Variants in SNAP25 observed in about 807,000 individuals in gnomAD.
SNAP25 encodes synaptosomal-associated protein 25.
A neutral mutation model predicts 28.7 loss-of-function variants in SNAP25; 3 were observed. That is an observed-to-expected ratio of 0.10 (90% confidence interval 0.05 to 0.27). The LOEUF is 0.27. Among genes scored for constraint, SNAP25 ranks in the 10% least tolerant of loss-of-function variants. The probability of loss-of-function intolerance (pLI) is 1.00; values close to 1 mark genes in which losing one functional copy is unlikely to be tolerated. For synonymous variants in SNAP25, 61 were observed against 88.1 expected, an observed-to-expected ratio of 0.69 and a Z score of 1.72; for missense variants, 117 against 278.7, an observed-to-expected ratio of 0.42 and a Z score of 4.13.
chr20:10,277,659 ATGTT>A (rs778297148), intron 2 of SNAP25, 22 bp from the exon 3 acceptor site: 2 of 1,607,856 alleles, frequency 1.2e-6, no homozygotes, highest in Admixed American at 1.7e-5. Flanking sequence ...CATAAAGTTT[ATGTT>A]TGTTTGTTTT....
At chr20:10,267,116 T>C (rs1268422148) in intron 1 of SNAP25, among the ~76,000 whole-genome samples, 2 of 152,160 alleles carry the variant, frequency 1.3e-5, no homozygotes, top group Non-Finnish European at 2.9e-5. Flanking sequence ...TATTTAAATC[T>C]TAACATCACA....
At chr20:10,249,297 TTGG>T (rs927435080) in intron 1 of SNAP25, among the ~76,000 whole-genome samples, 3 of 152,166 alleles carry the variant, frequency 2.0e-5, no homozygotes, top group Non-Finnish European at 4.4e-5. Context: ...TCGGTGATGG[TTGG>T]TGGTAGGATT....
intron 1 of SNAP25, among the ~76,000 whole-genome samples, chr20:10,242,881 A>T (rs1818893798): frequency 1.3e-5 from 2 of 152,370 alleles, no homozygotes; most frequent in South Asian, 4.1e-4. Flanking sequence ...TCAGTACATT[A>T]GAATCTTCTA....
chr20:10,285,522 A>T (rs1017752460), intron 4 of SNAP25, among the ~76,000 whole-genome samples: 3 of 152,232 alleles, frequency 2.0e-5, no homozygotes, highest in Non-Finnish European at 4.4e-5. Context: ...TTATCATAAT[A>T]AACAGATTTC....
At chr20:10,238,635 C>T (rs151309486) in intron 1 of SNAP25, among the ~76,000 whole-genome samples, 128 of 152,170 alleles carry the variant, frequency 8.4e-4, no homozygotes, top group African/African-American at 2.7e-3. Context: ...ATAGGTTGGG[C>T]GTGGTGGCTC....
intron 1 of SNAP25, among the ~76,000 whole-genome samples, chr20:10,221,795 G>A (rs1838395012): frequency 6.6e-6 from 1 of 152,260 alleles, no homozygotes; most frequent in African/African-American, 2.4e-5. Flanking sequence ...TGAAAGACAT[G>A]TTTCTGCCAG....
chr20:10,288,756 G>C (rs1330320541), intron 4 of SNAP25, among the ~76,000 whole-genome samples: 1 of 151,732 alleles, frequency 6.6e-6, no homozygotes, highest in Non-Finnish European at 1.5e-5. Context: ...ACCCCCGAAA[G>C]TAGGTGGTTT....
At position 10,277,777 on chromosome 20, in the gene SNAP25, A is replaced by T. The variant is rs776216639; in HGVS notation, c.114+51A>T. 1.1e-5 allele frequency: 16 copies of T among 1,511,202 alleles called. No homozygotes were observed. In the African/African-American group the frequency reaches 1.5e-4, roughly 14 times the overall value. The allele number at this position is 1,511,202 out of a possible 1,614,324, so 93.6% of individuals were successfully genotyped here. On this transcript the variant is annotated intron_variant, in intron 3 of 7. Coordinates refer to ENST00000254976, the MANE Select transcript of SNAP25 (RefSeq NM_130811.4). ...AAAGGAACAAATCCCTTATGCTGAT[A>T]CATCCTTTCCTAGTTGCTATGATGT... is the stretch of plus-strand genomic sequence containing the variant.
intron 1 of SNAP25, among the ~76,000 whole-genome samples, chr20:10,233,694 G>T (rs942804435): frequency 1.3e-5 from 2 of 152,162 alleles, no homozygotes; most frequent in African/African-American, 4.8e-5. Context: ...CTGTTAGGCT[G>T]CAAGATTGTG....
rs1344972024 is a variant in SNAP25, at chr20:10,297,057, C to T, written c.407+7C>T. The T allele has an allele frequency of 1.3e-6, 2 of 1,588,324 alleles. No individual in the cohort carries two copies. The highest frequency in any genetic ancestry group is 2.7e-5 in the African/African-American group (2 of 74,422). ...GTGGCGGCTTCATCCGCAGGTGAGC[C>T]TCATGCAGCATACACTGTAGCAGTT... On this transcript the variant is annotated splice_region_variant and intron_variant, in intron 6 of 7. Transcript: ENST00000254976.
chr20:10,243,041 G>C (rs2063063204), intron 1 of SNAP25, among the ~76,000 whole-genome samples: 1 of 152,142 alleles, frequency 6.6e-6, no homozygotes, highest in Admixed American at 6.6e-5. Flanking sequence ...CTTCTGTGAT[G>C]GCCACAGCTT....
rs1252333135 is a variant in SNAP25 at position 10,306,762 on chromosome 20, TAAAC to T, written c.*569_*572del. 1 of 154,168 alleles carries T rather than the reference TAAAC, an allele frequency of 6.5e-6. No individual in the cohort carries two copies. Among genetic ancestry groups the T allele is most frequent in the Non-Finnish European group, 1.5e-5 (1 of 68,264 alleles). 9.6% of individuals were successfully genotyped at this position (154,168 alleles called of 1,614,324 possible). ...CTAAATAGATTTTTAGATTCCTACT[TAAAC>T]AAAAACTTTCCATGACAGTAGCATA... On this transcript the variant is annotated 3_prime_UTR_variant, in exon 8 of 8. Transcript: ENST00000254976.
intron 1 of SNAP25, among the ~76,000 whole-genome samples, chr20:10,224,846 T>C (rs2062706832): frequency 6.6e-6 from 1 of 151,894 alleles, no homozygotes; most frequent in East Asian, 1.9e-4. Context: ...CTAAACTTTG[T>C]ATAAATTTCT....
chr20:10,227,015 G>T (rs1328226384), intron 1 of SNAP25, among the ~76,000 whole-genome samples: 2 of 152,058 alleles, frequency 1.3e-5, no homozygotes, highest in African/African-American at 4.8e-5. Flanking sequence ...GCAAGAATAG[G>T]TTGACTAAGA....
chr20:10,245,547 C>G (rs184649904), intron 1 of SNAP25, among the ~76,000 whole-genome samples: 2 of 152,248 alleles, frequency 1.3e-5, no homozygotes, highest in Admixed American at 1.3e-4. Flanking sequence ...ACTGGGGGGT[C>G]TAAAAAAAGT....
intron 1 of SNAP25, among the ~76,000 whole-genome samples, chr20:10,232,624 T>C (rs1308280038): frequency 1.3e-5 from 2 of 152,200 alleles, no homozygotes; most frequent in African/African-American, 4.8e-5. Flanking sequence ...TCGCCAAATA[T>C]AGATTGTGCC....
chr20:10,227,532 G>A (rs1389318655), intron 1 of SNAP25, among the ~76,000 whole-genome samples: 1 of 151,936 alleles, frequency 6.6e-6, no homozygotes, highest in African/African-American at 2.4e-5. Context: ...CCTAAATATT[G>A]GAATAAAATT....
chr20:10,245,499 A>G lies in SNAP25; in HGVS notation c.-64+26522A>G, dbSNP rs148827123. Among the ~76,000 whole-genome samples the G allele has an allele frequency of 6.4e-4, 97 of 152,336 alleles. 1 individual carries two copies. The South Asian group carries it at 8.7e-3, about 14-fold the overall frequency. ...CTGATTGGGAGAACTTAGATTAGCC[A>G]TCAAATTATATTTGGGGTAAGTGAA... On this transcript the variant is annotated intron_variant, in intron 1 of 7. Transcript: ENST00000254976.
intron 1 of SNAP25, among the ~76,000 whole-genome samples, chr20:10,244,567 C>T (rs751428425): frequency 6.6e-6 from 1 of 152,012 alleles, no homozygotes; most frequent in Non-Finnish European, 1.5e-5. Context: ...GTAGGCAGTT[C>T]GACTTCAGAG....
Sources: allele counts gnomAD v4.1 joint callset (sites outside exome capture counted in the v4.1 genomes callset), GRCh38; gene constraint gnomAD v4.1.1; transcripts MANE v1.5; gene names NCBI Gene and HGNC (gene_info 2026-07-23, HGNC 2026-07-21).